Variants in AASS observed in about 807,000 individuals in gnomAD.
AASS encodes alpha-aminoadipic semialdehyde synthase, mitochondrial.
A neutral mutation model predicts 105.4 loss-of-function variants in AASS; 86 were observed. The ratio of observed to expected loss-of-function variants is 0.82; its 90% CI spans 0.69 to 0.98. AASS has a LOEUF of 0.98. AASS is among the 50% of genes least tolerant of loss of function. The probability of loss-of-function intolerance (pLI) is 0.00; values close to 1 mark genes in which losing one functional copy is unlikely to be tolerated. For synonymous variants in AASS, 381 were observed against 394.8 expected (o/e 0.96, Z 0.41); for missense variants, 1,048 against 1,143.2 (o/e 0.92, Z 1.20).
In AASS at chr7:122,141,300, C is replaced by T. The variant is rs185963765; in HGVS notation, c.-16+2861G>A. On this transcript the variant is annotated intron_variant, in intron 1 of 23. Transcript: ENST00000417368. Reference sequence around the variant, plus strand: ...TTTTCATATTTTCTCCAGCCCATCACCTACTCAAAGTCATCCATAAACATG... The same window carrying T: ...TTTTCATATTTTCTCCAGCCCATCATCTACTCAAAGTCATCCATAAACATG... Among the ~76,000 whole-genome samples the T allele has an allele frequency of 1.5e-4, 23 of 152,282 alleles. No homozygotes were observed. The East Asian group carries it at 2.3e-3, about 15-fold the overall frequency.
At position 122,076,609 on chromosome 7, in the gene AASS, T is replaced by C; in HGVS notation, c.2663-2A>G. ...TTAGGCCTTTGGCTCCAATTTCACC[T>C]GGAAGAAAATAAATGTGTAATTACC... On this transcript the variant is annotated splice_acceptor_variant, in intron 23 of 23. Transcript: ENST00000417368. LOFTEE classifies it high-confidence loss of function. 4.4e-6 allele frequency: 7 copies of C among 1,582,682 alleles called. No homozygotes were observed. Among genetic ancestry groups the C allele is most frequent in the Non-Finnish European group, 6.1e-6 (7 of 1,151,452 alleles).
chr7:122,106,974 A>T (rs1165927204), intron 11 of AASS, among the ~76,000 whole-genome samples: 1 of 152,136 alleles, frequency 6.6e-6, no homozygotes, highest in African/African-American at 2.4e-5. Context: ...AATGGGAGAA[A>T]ATATTTGCAA....
chr7:122,099,338 T>C (rs970514735), intron 13 of AASS, among the ~76,000 whole-genome samples: 1 of 152,042 alleles, frequency 6.6e-6, no homozygotes, highest in South Asian at 2.1e-4. Flanking sequence ...TTATCCATAT[T>C]AGAAATTGTT....
At position 122,113,218 on chromosome 7, in the gene AASS, G is replaced by A. The variant is rs1455850199; in HGVS notation, c.1178C>T (p.Ser393Leu). ...GTCAATGGAACACATCAGGATCCCCGAGCCTTCAACACTAAAAGCAGCAAT... is the reference window on the plus strand; with the variant it reads ...GTCAATGGAACACATCAGGATCCCCAAGCCTTCAACACTAAAAGCAGCAAT... ...QHIIHDSVEG[S>L]GILMCSIDNL... Residue 393 changes from serine (S) to leucine (L), a missense_variant, in exon 11 of 24, where the codon TCG becomes TTG. Coordinates refer to ENST00000417368, the MANE Select transcript of AASS (RefSeq NM_005763.4). 4 of 1,613,876 alleles carry A rather than the reference G, an allele frequency of 2.5e-6. No homozygotes were observed. The highest frequency in any genetic ancestry group is 1.6e-4 in the Middle Eastern group (1 of 6,062).
Position 122,076,443 on chromosome 7 carries a change from C to A in AASS, c.*46G>T. On this transcript the variant is annotated 3_prime_UTR_variant, in exon 24 of 24. Coordinates refer to ENST00000417368, the MANE Select transcript of AASS (RefSeq NM_005763.4). Reference sequence around the variant, plus strand: ...CAAACCCATTTATCACACACATGTTCAGAGGTGTATTGCCTGGGAAGAAAA... The same window carrying A: ...CAAACCCATTTATCACACACATGTTAAGAGGTGTATTGCCTGGGAAGAAAA... 1 of 1,221,716 alleles carries A rather than the reference C, an allele frequency of 8.2e-7. No individual in the cohort carries two copies. Among genetic ancestry groups the A allele is most frequent in the South Asian group, 1.2e-5 (1 of 83,174 alleles). 75.7% of individuals were successfully genotyped at this position (1,221,716 alleles called of 1,614,324 possible).
In AASS at chr7:122,075,385, A is replaced by G. The variant is rs1792953603; in HGVS notation, c.*1104T>C. On this transcript the variant is annotated 3_prime_UTR_variant, in exon 24 of 24. Coordinates refer to ENST00000417368, the MANE Select transcript of AASS (RefSeq NM_005763.4). ...TATCGTCTCCCATCTCTATTTAGTTATACTTCTTCCTTTCCAACCTAGATG... is the reference window on the plus strand; with the variant it reads ...TATCGTCTCCCATCTCTATTTAGTTGTACTTCTTCCTTTCCAACCTAGATG... Among the ~76,000 whole-genome samples the G allele has an allele frequency of 6.6e-6, 1 of 152,104 alleles. No individual in the cohort carries two copies. Among genetic ancestry groups the G allele is most frequent in the African/African-American group, 2.4e-5 (1 of 41,440 alleles).
At chr7:122,092,978 G>T in intron 16 of AASS, 27 bp from the exon 17 acceptor site, 1 of 1,612,536 alleles carries the variant, frequency 6.2e-7, no homozygotes, top group South Asian at 1.1e-5. Flanking sequence ...GAGGAAAAAG[G>T]AAAACTTGGA....
chr7:122,143,733 C>A (rs1431318967), intron 1 of AASS, among the ~76,000 whole-genome samples: 2 of 152,048 alleles, frequency 1.3e-5, no homozygotes, highest in Non-Finnish European at 2.9e-5. Flanking sequence ...AGCCAGCCGT[C>A]CCCTCTAAGC....
At chr7:122,115,828 A>G (rs1795143065) in intron 8 of AASS, among the ~76,000 whole-genome samples, 1 of 152,216 alleles carries the variant, frequency 6.6e-6, no homozygotes, top group Admixed American at 6.5e-5. Context: ...CAAATTTTTC[A>G]GTTTGAAACT....
At chr7:122,092,445 G>C (rs559623128) in intron 17 of AASS, among the ~76,000 whole-genome samples, 1 of 152,148 alleles carries the variant, frequency 6.6e-6, no homozygotes, top group Admixed American at 6.6e-5. Context: ...TTCCTGTATG[G>C]ATATTTTTGC....
intron 19 of AASS, 195 bp from the exon 20 acceptor site, chr7:122,081,790 C>A: frequency 1.7e-6 from 1 of 578,986 alleles, no homozygotes. Flanking sequence ...TCCCCACAAC[C>A]CACCAAAAAA....
chr7:122,106,161 G>A (rs184427682), intron 11 of AASS, among the ~76,000 whole-genome samples: 29 of 152,090 alleles, frequency 1.9e-4, no homozygotes, highest in Non-Finnish European at 3.4e-4. Flanking sequence ...TCTGCAAAAA[G>A]GGATAATTTG....
chr7:122,093,297 G>C (rs1793994748), intron 15 of AASS, 139 bp from the exon 16 acceptor site: 1 of 726,540 alleles, frequency 1.4e-6, no homozygotes, highest in South Asian at 1.5e-5. Context: ...CTTATACACT[G>C]TTGGTGGGAA....
intron 13 of AASS, among the ~76,000 whole-genome samples, 197 bp from the exon 14 acceptor site, chr7:122,099,063 A>G (rs1411897622): frequency 6.6e-6 from 1 of 151,832 alleles, no homozygotes; most frequent in Non-Finnish European, 1.5e-5. Context: ...ATTATTTTAC[A>G]TTTTGTACAA....
At chr7:122,112,214 G>C (rs1464220609) in intron 11 of AASS, among the ~76,000 whole-genome samples, 1 of 152,150 alleles carries the variant, frequency 6.6e-6, no homozygotes, top group Non-Finnish European at 1.5e-5. Flanking sequence ...ACCTAATACG[G>C]TTTTCATGAG....
chr7:122,106,543 C>T (rs1283295803), intron 11 of AASS, among the ~76,000 whole-genome samples: 3 of 151,684 alleles, frequency 2.0e-5, no homozygotes, highest in African/African-American at 4.8e-5. Context: ...GCATAAGACT[C>T]GTACAAAACC....
intron 19 of AASS, among the ~76,000 whole-genome samples, chr7:122,082,573 G>T (rs965939921): frequency 6.6e-6 from 1 of 152,114 alleles, no homozygotes; most frequent in Non-Finnish European, 1.5e-5. Context: ...CAGGGAAATT[G>T]TATCTTTATA....
intron 4 of AASS, among the ~76,000 whole-genome samples, chr7:122,122,289 A>G (rs1353370877): frequency 1.3e-5 from 2 of 152,152 alleles, no homozygotes; most frequent in African/African-American, 2.4e-5. Flanking sequence ...ATTAAACAAA[A>G]TGGAGCATAA....
At chr7:122,086,571 TAA>T (rs922194056) in intron 18 of AASS, among the ~76,000 whole-genome samples, 2 of 151,452 alleles carry the variant, frequency 1.3e-5, no homozygotes, top group South Asian at 4.1e-4. Context: ...TATTTAAAAA[TAA>T]AAAATGTTTA....
Sources: gnomAD v4.1 joint callset for allele counts (sites outside exome capture counted in the v4.1 genomes callset) on GRCh38, gnomAD v4.1.1 for gene constraint, MANE v1.5 for transcripts, NCBI Gene and HGNC (gene_info 2026-07-23, HGNC 2026-07-21) for gene names.